The following IGFBP7 variants were observed in gnomAD, a reference collection of about 807,000 sequenced individuals.
The protein encoded by IGFBP7 is insulin-like growth factor-binding protein 7.
Under a neutral mutation model 29.4 loss-of-function variants are expected in IGFBP7, and 31 were observed. The observed-to-expected ratio is 1.05, with a 90% CI of 0.79 to 1.42. IGFBP7 has a LOEUF of 1.42. Ranked by LOEUF, IGFBP7 falls within the 40% of genes most tolerant of loss-of-function variation. The pLI, the probability that IGFBP7 is intolerant of heterozygous loss-of-function variation, is 0.00. For missense variants in IGFBP7, 393 were observed against 395.5 expected (o/e 0.99, Z 0.05); for synonymous variants, 172 against 174.9 (o/e 0.98, Z 0.13).
intron 1 of IGFBP7, among the ~76,000 whole-genome samples, chr4:57,078,448 G>A (rs1725282498): frequency 6.6e-6 from 1 of 151,834 alleles, no homozygotes; most frequent in Non-Finnish European, 1.5e-5. Context: ...TGGTGTAGCT[G>A]ATGGGAAAGC....
intron 2 of IGFBP7, among the ~76,000 whole-genome samples, chr4:57,039,035 A>G (rs1724154264): frequency 7.0e-6 from 1 of 143,234 alleles, no homozygotes; most frequent in Non-Finnish European, 1.5e-5. Context: ...ATTGCACTCC[A>G]GCCTGGGCAA....
intron 1 of IGFBP7, among the ~76,000 whole-genome samples, chr4:57,052,354 G>A (rs1247289935): frequency 6.6e-6 from 1 of 152,192 alleles, no homozygotes; most frequent in East Asian, 1.9e-4. Flanking sequence ...GATTGAAGAA[G>A]GGGAAAGGGT....
chr4:57,094,605 C>T (rs113476125), intron 1 of IGFBP7, among the ~76,000 whole-genome samples: 3,296 of 152,286 alleles, frequency 0.022, 116 homozygotes, highest in African/African-American at 0.074. Context: ...GGCTAGTTTA[C>T]GTGTTTGTTA....
chr4:57,042,682 T>C (rs776850521), intron 1 of IGFBP7, among the ~76,000 whole-genome samples: 2 of 152,194 alleles, frequency 1.3e-5, no homozygotes, highest in African/African-American at 2.4e-5. Context: ...AATTAAAAGA[T>C]GGATATTTCA....
chr4:57,093,892 A>G (rs886151805), intron 1 of IGFBP7, among the ~76,000 whole-genome samples: 1 of 152,212 alleles, frequency 6.6e-6, no homozygotes, highest in African/African-American at 2.4e-5. Flanking sequence ...TCTGCAAATT[A>G]TAATGTATTC....
chr4:57,067,132 G>T (rs960803586), intron 1 of IGFBP7, among the ~76,000 whole-genome samples: 1 of 152,144 alleles, frequency 6.6e-6, no homozygotes, highest in African/African-American at 2.4e-5. Context: ...ACCCCAAGAA[G>T]ATGTCTGCAA....
chr4:57,098,534 C>A (rs986563031), intron 1 of IGFBP7, among the ~76,000 whole-genome samples: 6 of 152,150 alleles, frequency 3.9e-5, no homozygotes, highest in African/African-American at 1.2e-4. Context: ...CAAGTCAGAT[C>A]AACTTTTCCG....
At chr4:57,086,314 A>C (rs1190729594) in intron 1 of IGFBP7, among the ~76,000 whole-genome samples, 1 of 152,168 alleles carries the variant, frequency 6.6e-6, no homozygotes, top group Admixed American at 6.5e-5. Context: ...ATTCAATGTG[A>C]GATTTGGGTG....
intron 2 of IGFBP7, among the ~76,000 whole-genome samples, chr4:57,035,077 T>C (rs766271479): frequency 4.6e-5 from 7 of 152,186 alleles, no homozygotes; most frequent in Admixed American, 2.0e-4. Context: ...AATTTCAGAA[T>C]CATATGAGTT....
intron 1 of IGFBP7, among the ~76,000 whole-genome samples, chr4:57,103,650 T>TTTTTC (rs1330107748): frequency 6.0e-5 from 5 of 83,892 alleles, no homozygotes; most frequent in African/African-American, 1.7e-4. Flanking sequence ...TTCTTTTTTT[T>TTTTTC]TTTTCTTTTC....
chr4:57,048,285 G>A (rs535034230), intron 1 of IGFBP7, among the ~76,000 whole-genome samples: 34 of 152,126 alleles, frequency 2.2e-4, no homozygotes, highest in Middle Eastern at 3.4e-3. Context: ...TCCTGACCTC[G>A]TGATCCACCT....
chr4:57,082,302 C>T (rs563750209), intron 1 of IGFBP7, among the ~76,000 whole-genome samples: 1 of 152,260 alleles, frequency 6.6e-6, no homozygotes, highest in East Asian at 1.9e-4. Context: ...ACAAAGGATG[C>T]TCTGTGATTT....
intron 1 of IGFBP7, among the ~76,000 whole-genome samples, chr4:57,105,040 G>A (rs1302828919): frequency 2.6e-5 from 4 of 152,194 alleles, no homozygotes; most frequent in African/African-American, 9.7e-5. Flanking sequence ...CTTTTAAAAT[G>A]GTTACAGTCT....
At position 57,110,108 on chromosome 4, in the gene IGFBP7, C is replaced by T. The variant is rs1179449630; in HGVS notation, c.244G>A (p.Ala82Thr). The T allele has an allele frequency of 5.9e-6, 9 of 1,524,250 alleles. No homozygotes were observed. Among genetic ancestry groups the T allele is most frequent in the Non-Finnish European group, 7.9e-6 (9 of 1,142,848 alleles). 94.4% of individuals were successfully genotyped at this position (1,524,250 alleles called of 1,614,324 possible). A position where few individuals can be genotyped will look rare whatever the true frequency, so the allele number is the denominator to read the frequency against. Residue 82 changes from alanine (A) to threonine (T), a missense_variant, in exon 1 of 5, where the codon GCG becomes ACG. By Grantham distance (58) the Ala-to-Thr change is moderately conservative (BLOSUM62 0). Coordinates refer to ENST00000295666, the MANE Select transcript of IGFBP7 (RefSeq NM_001553.3). ...CTCTTCACGCACTCCATGCCCGGCG[C>T]GCAGTACCCCCTGCCGGCGCCGCCA... ...GGGGAGRGYC[A>T]PGMECVKSRK... is the part of the protein sequence containing the mutation.
chr4:57,107,747 A>G (rs1202414345), intron 1 of IGFBP7, among the ~76,000 whole-genome samples: 2 of 152,200 alleles, frequency 1.3e-5, no homozygotes, highest in African/African-American at 2.4e-5. Flanking sequence ...ATATAAAGAA[A>G]AGCCGGGCCG....
intron 1 of IGFBP7, among the ~76,000 whole-genome samples, chr4:57,051,502 A>C (rs1008184591): frequency 3.3e-5 from 5 of 152,258 alleles, no homozygotes; most frequent in Non-Finnish European, 7.3e-5. Context: ...AAGAACCAAT[A>C]GTTTATAATA....
intron 1 of IGFBP7, among the ~76,000 whole-genome samples, chr4:57,052,559 A>G (rs1713970): frequency 0.43 from 65,927 of 151,998 alleles, 16,104 homozygotes; most frequent in South Asian, 0.63. Context: ...CTCCAGAGGG[A>G]GTTCCATCAG....
chr4:57,044,470 G>A (rs1724310943), intron 1 of IGFBP7, among the ~76,000 whole-genome samples: 1 of 152,118 alleles, frequency 6.6e-6, no homozygotes, highest in South Asian at 2.1e-4. Flanking sequence ...TCTTCTACAA[G>A]CTTTATGGTT....
rs1219720367 is a variant in IGFBP7, at chr4:57,033,294, A to G, written c.603T>C (p.Tyr201=). 2.5e-6 allele frequency: 4 copies of G among 1,613,332 alleles called. No homozygotes were observed. The highest frequency in any genetic ancestry group is 1.1e-5 in the South Asian group (1 of 91,058). ...LIWNKVKRGH[Y]GVQRTELLPG... ...GCAGGAGTTCTGTCCTTTGAACTCC[A>G]TAGTGACCCCTTTTTACCTGCAAAA... Residue 201 remains tyrosine, a synonymous_variant, in exon 3 of 5, where the codon TAT becomes TAC. Coordinates refer to ENST00000295666, the MANE Select transcript of IGFBP7 (RefSeq NM_001553.3).
Sources: allele counts gnomAD v4.1 joint callset (sites outside exome capture counted in the v4.1 genomes callset), GRCh38; gene constraint gnomAD v4.1.1; transcripts MANE v1.5; gene names NCBI Gene and HGNC (gene_info 2026-07-23, HGNC 2026-07-21).